TFCP2: variants seen among roughly 807,000 people sequenced by gnomAD.
The protein encoded by TFCP2 is transcription factor CP2.
In TFCP2, 33 loss-of-function variants were observed where a neutral mutation model predicts 73.4. That is an observed-to-expected ratio of 0.45 (90% CI 0.34 to 0.60). TFCP2 has a LOEUF of 0.60. Among genes scored for constraint, TFCP2 ranks in the 20% least tolerant of loss-of-function variants. The pLI is 0.01. For synonymous variants in TFCP2, 193 were observed against 211.6 expected (o/e 0.91, Z 0.76); for missense variants, 352 against 604.0 (o/e 0.58, Z 4.37).
chr12:51,172,427 G>A lies in TFCP2; in HGVS notation c.-5C>T. 1 of 1,613,956 alleles carries A rather than the reference G, an allele frequency of 6.2e-7. No individual in the cohort carries two copies. The highest frequency in any genetic ancestry group is 8.5e-7 in the Non-Finnish European group (1 of 1,179,954). On this transcript the variant is annotated 5_prime_UTR_variant, in exon 1 of 15. Transcript: ENST00000257915. ...CAGCTTCAGAGCCCAGGCCATCCTGGCTCCTTCCTTGCCCCAGGAGACACC... is the reference window on the plus strand; with the variant it reads ...CAGCTTCAGAGCCCAGGCCATCCTGACTCCTTCCTTGCCCCAGGAGACACC...
intron 1 of TFCP2, among the ~76,000 whole-genome samples, chr12:51,166,123 T>C (rs1941753492): frequency 6.6e-6 from 1 of 152,018 alleles, no homozygotes; most frequent in South Asian, 2.1e-4. Flanking sequence ...GAGACCAGCC[T>C]GGCTAACATG....
intron 1 of TFCP2, among the ~76,000 whole-genome samples, chr12:51,142,659 C>T (rs1462201691): frequency 1.3e-5 from 2 of 152,142 alleles, no homozygotes; most frequent in Non-Finnish European, 1.5e-5. Context: ...ATGGATCATT[C>T]CCATTAGCAT....
intron 1 of TFCP2, chr12:51,124,993 T>C (rs1302270197): frequency 1.4e-6 from 1 of 733,878 alleles, no homozygotes; most frequent in East Asian, 2.5e-5. Flanking sequence ...TCTCTCTGAG[T>C]GATAACTTCT....
intron 1 of TFCP2, among the ~76,000 whole-genome samples, chr12:51,159,406 T>C (rs1941604934): frequency 6.6e-6 from 1 of 151,418 alleles, no homozygotes; most frequent in Non-Finnish European, 1.5e-5. Flanking sequence ...GGCGTGATCT[T>C]GGCTCACTGC....
chr12:51,161,760 C>CAAAAAA (rs60679909), intron 1 of TFCP2, among the ~76,000 whole-genome samples: 14 of 76,220 alleles, frequency 1.8e-4, no homozygotes, highest in African/African-American at 4.1e-4. Flanking sequence ...GACTCCATAT[C>CAAAAAA]AAAAAAAAAA....
At chr12:51,160,763 T>C (rs1941630994) in intron 1 of TFCP2, among the ~76,000 whole-genome samples, 1 of 152,176 alleles carries the variant, frequency 6.6e-6, no homozygotes, top group African/African-American at 2.4e-5. Context: ...AGAAGAGTGC[T>C]TGATGAAGAA....
At chr12:51,102,395 T>C (rs895249178) in intron 10 of TFCP2, among the ~76,000 whole-genome samples, 2 of 151,856 alleles carry the variant, frequency 1.3e-5, no homozygotes, top group African/African-American at 4.8e-5. Flanking sequence ...TCAAGACTGT[T>C]AGGCGTGGGC....
At chr12:51,136,861 G>C (rs1237557509) in intron 1 of TFCP2, among the ~76,000 whole-genome samples, 1 of 152,132 alleles carries the variant, frequency 6.6e-6, no homozygotes, top group Non-Finnish European at 1.5e-5. Flanking sequence ...CAGGAGAATT[G>C]CTTGAACCCA....
At chr12:51,119,553 C>T (rs1164865859) in intron 1 of TFCP2, among the ~76,000 whole-genome samples, 1 of 151,724 alleles carries the variant, frequency 6.6e-6, no homozygotes, top group Non-Finnish European at 1.5e-5. Context: ...GAGGTGGAAA[C>T]CCGCCTGACC....
intron 4 of TFCP2, among the ~76,000 whole-genome samples, chr12:51,113,909 T>G (rs1940457921): frequency 6.6e-6 from 1 of 152,162 alleles, no homozygotes; most frequent in African/African-American, 2.4e-5. Context: ...CAACCTTTTT[T>G]GTATATGGTT....
In TFCP2 at chr12:51,098,841, G is replaced by A. The variant is rs748441365; in HGVS notation, c.1354C>T (p.Pro452Ser). Reference sequence around the variant, plus strand: ...TTGTAAATCTGGCTGATCTGGCAAGGGGAAATGCTGAAAAGCTGAGCAATT... The same window carrying A: ...TTGTAAATCTGGCTGATCTGGCAAGAGGAAATGCTGAAAAGCTGAGCAATT... Reference protein sequence around the residue: ...EKIAQLFSISPCQISQIYKQG... With the variant: ...EKIAQLFSISSCQISQIYKQG... The change falls in exon 13 of 15, where the codon CCT becomes TCT. Residue 452 changes from proline to serine, a missense_variant. By Grantham distance (74) the Pro-to-Ser change is moderately conservative. Around this residue, in one of 6 missense-constraint regions of TFCP2, gnomAD observed 194 missense variants for 256.3 expected, o/e 0.76. Coordinates refer to ENST00000257915, the MANE Select transcript of TFCP2 (RefSeq NM_005653.5). 3.1e-6 allele frequency: 5 copies of A among 1,614,060 alleles called. No homozygotes were observed. Among genetic ancestry groups the A allele is most frequent in the South Asian group, 2.2e-5 (2 of 91,072 alleles).
intron 13 of TFCP2, among the ~76,000 whole-genome samples, chr12:51,097,341 C>T (rs764429642): frequency 9.2e-5 from 14 of 152,106 alleles, no homozygotes; most frequent in African/African-American, 2.4e-4. Flanking sequence ...CTCTGCCTCT[C>T]GGGTTCAAGC....
intron 1 of TFCP2, among the ~76,000 whole-genome samples, chr12:51,149,403 C>T (rs1941372639): frequency 6.6e-6 from 1 of 151,784 alleles, no homozygotes; most frequent in African/African-American, 2.4e-5. Context: ...ACTACCTGTT[C>T]CCCAAAAACC....
rs1294009457 is a variant in TFCP2 at position 51,159,005 on chromosome 12, TCCAAAAAA to T, written c.122+13288_122+13295del. Among the ~76,000 whole-genome samples, 7 of 104,412 alleles carry T rather than the reference TCCAAAAAA, an allele frequency of 6.7e-5. 1 individual carries two copies. Among genetic ancestry groups the T allele is most frequent in the African/African-American group, 2.4e-4 (6 of 25,492 alleles). 68.5% of individuals were successfully genotyped at this position (104,412 alleles called of 152,430 possible). A position where few individuals can be genotyped will look rare whatever the true frequency, so the allele number is the denominator to read the frequency against. ...GGTGAAACCCTCTCTCTACTAAAAATCCAAAAAAAAAAAAAAAAAAAAAATTAGCCAGG... is the reference window on the plus strand; with the variant it reads ...GGTGAAACCCTCTCTCTACTAAAAATAAAAAAAAAAAAAAAATTAGCCAGG... On this transcript the variant is annotated intron_variant, in intron 1 of 14. Transcript: ENST00000257915.
chr12:51,095,245 T>G lies in TFCP2; in HGVS notation c.1505A>C (p.Lys502Thr). Residue 502 changes from lysine to threonine, a missense_variant, in exon 15 of 15, where the codon AAG becomes ACG. Lys to Thr is a moderately conservative substitution (Grantham distance 78). This residue lies in a region of TFCP2 where 194 missense variants were observed against 256.3 expected (regional missense o/e 0.76). Coordinates refer to ENST00000257915, the MANE Select transcript of TFCP2 (RefSeq NM_005653.5). ...TGGGCACGAAACGCCGCACTCCTAC[T>G]TCAGTATGATATGATAGCTATCATT... ...ETNDSYHIIL[K>T] The G allele has an allele frequency of 1.2e-6, 2 of 1,614,002 alleles. No individual in the cohort carries two copies. The highest frequency in any genetic ancestry group is 1.7e-6 in the Non-Finnish European group (2 of 1,180,020).
At chr12:51,137,399 A>C (rs1592819303) in intron 1 of TFCP2, among the ~76,000 whole-genome samples, 1 of 152,342 alleles carries the variant, frequency 6.6e-6, no homozygotes, top group East Asian at 1.9e-4. Flanking sequence ...GAAGCTGAAA[A>C]GTATCTGTGT....
At chr12:51,158,806 G>C (rs953032771) in intron 1 of TFCP2, among the ~76,000 whole-genome samples, 1 of 150,778 alleles carries the variant, frequency 6.6e-6, no homozygotes, top group Non-Finnish European at 1.5e-5. Flanking sequence ...ATCAATATCT[G>C]GCTCTCAAAA....
At chr12:51,124,786 C>A in intron 1 of TFCP2, 1 of 826,614 alleles carries the variant, frequency 1.2e-6, no homozygotes, top group South Asian at 1.3e-5. Context: ...TTCTGCTGCT[C>A]AGCCTTTTTC....
intron 1 of TFCP2, among the ~76,000 whole-genome samples, chr12:51,140,138 CA>C (rs1359570617): frequency 6.6e-6 from 1 of 152,102 alleles, no homozygotes. Context: ...AATAAATAAT[CA>C]AAAGCTCCCA....
Sources: gnomAD v4.1 joint callset for allele counts (sites outside exome capture counted in the v4.1 genomes callset) on GRCh38, gnomAD v4.1.1 for gene constraint, gnomAD v4.1.1 regional missense constraint, MANE v1.5 for transcripts, NCBI Gene and HGNC (gene_info 2026-07-23, HGNC 2026-07-21) for gene names.